Variants in CPXM2 observed in about 807,000 individuals in gnomAD.
CPXM2 encodes inactive carboxypeptidase-like protein X2.
A neutral mutation model predicts 86.1 loss-of-function variants in CPXM2; 66 were observed. The observed-to-expected ratio is 0.77, with a 90% CI of 0.63 to 0.94. The LOEUF (loss-of-function observed/expected upper bound fraction) is 0.94. Among genes scored for constraint, CPXM2 ranks in the 40% least tolerant of loss-of-function variants. The pLI is 0.00. For missense variants in CPXM2, 948 were observed against 1,026.3 expected (o/e 0.92, Z 1.04); for synonymous variants, 388 against 400.2 (o/e 0.97, Z 0.36).
At chr10:123,935,722 C>A (rs1488586919) in intron 2 of CPXM2, among the ~76,000 whole-genome samples, 1 of 152,128 alleles carries the variant, frequency 6.6e-6, no homozygotes, top group Admixed American at 6.6e-5. Context: ...AGTAAAGATC[C>A]AGCCAGAAAT....
intron 1 of CPXM2, among the ~76,000 whole-genome samples, chr10:123,888,604 T>C (rs1225143566): frequency 1.3e-5 from 2 of 152,266 alleles, no homozygotes; most frequent in Admixed American, 1.3e-4. Context: ...TCTCCTAGTG[T>C]AGTTTAACTG....
At chr10:123,767,173 G>A (rs1896392) in intron 9 of CPXM2, 21 bp from the exon 10 acceptor site, 1,236,158 of 1,610,542 alleles carry the variant, frequency 0.77, 478,128 homozygotes, top group Non-Finnish European at 0.79. Context: ...GTGAGAGTGT[G>A]AAGAATGCAC....
At chr10:123,894,674 T>C (rs538588980), upstream of CPXM2, among the ~76,000 whole-genome samples, 19 of 152,326 alleles carry the variant, frequency 1.2e-4, no homozygotes, top group African/African-American at 4.6e-4. Flanking sequence ...GGGAGGGTCC[T>C]GCGTTCTTCA....
chr10:123,768,268 C>A (rs1175979064), intron 9 of CPXM2, among the ~76,000 whole-genome samples: 3 of 152,104 alleles, frequency 2.0e-5, no homozygotes, highest in Admixed American at 2.0e-4. Flanking sequence ...ATCCCAGCTA[C>A]TTAGGAGGCT....
chr10:123,799,179 T>G lies in CPXM2; in HGVS notation c.674A>C (p.Tyr225Ser). The G allele has an allele frequency of 6.2e-7, 1 of 1,614,170 alleles. No individual in the cohort carries two copies. The change falls in exon 5 of 14, where the codon TAT (tyrosine) becomes TCT (serine). Residue 225 changes from tyrosine to serine, a missense_variant. By Grantham distance (144) the Tyr-to-Ser change is moderately radical. Transcript: ENST00000241305. ...SLWLSDWVTS[Y>S]KVMVSNDSHT... ...GCTGTCATTGCTCACCATGACCTTATAGGATGTCACCCAGTCACTCCTATG... is the reference window on the plus strand; with the variant it reads ...GCTGTCATTGCTCACCATGACCTTAGAGGATGTCACCCAGTCACTCCTATG...
intron 1 of CPXM2, among the ~76,000 whole-genome samples, chr10:123,880,529 A>G (rs1356720170): frequency 6.6e-6 from 1 of 152,148 alleles, no homozygotes; most frequent in Admixed American, 6.5e-5. Context: ...AAAACAATGT[A>G]CACCTGCACG....
rs1432848663 is a variant in CPXM2, at chr10:123,797,985, G to C, written c.880C>G (p.Pro294Ala). 4 of 1,600,976 alleles carry C rather than the reference G, an allele frequency of 2.5e-6. No homozygotes were observed. Among genetic ancestry groups the C allele is most frequent in the Non-Finnish European group, 3.4e-6 (4 of 1,173,736 alleles). ...AGGAGGGTGAACTCACCTGGCAGTG[G>C]GCAGCCCAGGATCTCCATTCTCATG... ...ICMRMEILGC[P>A]LPDPNNYYHR... Residue 294 changes from proline (P) to alanine (A), a missense_variant, in exon 6 of 14, where the codon CCA (proline) becomes GCA (alanine). Coordinates refer to ENST00000241305, the MANE Select transcript of CPXM2 (RefSeq NM_198148.3).
chr10:123,781,323 T>C (rs1164876311), intron 6 of CPXM2, among the ~76,000 whole-genome samples: 3 of 152,272 alleles, frequency 2.0e-5, no homozygotes, highest in African/African-American at 7.2e-5. Context: ...TATAAGCCTG[T>C]ATGGTTTATA....
chr10:123,758,314 AGTGGGGGCCTCCTCTAG>A lies in CPXM2; in HGVS notation c.1778-979_1778-963del, dbSNP rs72015092. The stretch of plus-strand genomic sequence containing the variant: ...CTGTGGTCCCTCCAAAACCTCTAGA[AGTGGGGGCCTCCTCTAG>A]GGGAGGAGCCTTCCTTGACTCTTGC... On this transcript the variant is annotated intron_variant, in intron 11 of 13. Coordinates refer to ENST00000241305, the MANE Select transcript of CPXM2 (RefSeq NM_198148.3). 1.4e-3 allele frequency among the ~76,000 whole-genome samples: 213 copies of A among 152,252 alleles called. 4 individuals carry two copies. The East Asian group carries it at 0.038, about 27-fold the overall frequency.
chr10:123,863,935 G>C (rs1848919432), intron 2 of CPXM2, among the ~76,000 whole-genome samples: 1 of 152,176 alleles, frequency 6.6e-6, no homozygotes, highest in South Asian at 2.1e-4. Flanking sequence ...GTATCCACCA[G>C]AGGGCCTTGT....
At chr10:123,886,975 C>T (rs1250244687) in intron 1 of CPXM2, 1 of 152,214 alleles carries the variant, frequency 6.6e-6, no homozygotes, top group Non-Finnish European at 1.5e-5. Context: ...TTACCTTATT[C>T]ATAACCCTGG....
At chr10:123,762,190 C>T (rs374862514) in intron 10 of CPXM2, 21 bp from the exon 11 acceptor site, 123 of 1,613,878 alleles carry the variant, frequency 7.6e-5, no homozygotes, top group Non-Finnish European at 9.3e-5. Flanking sequence ...CCCAAATGGA[C>T]GAGTAAAATA....
intron 2 of CPXM2, among the ~76,000 whole-genome samples, chr10:123,923,935 T>C (rs920179791): frequency 1.4e-4 from 21 of 152,252 alleles, no homozygotes; most frequent in Non-Finnish European, 7.3e-5. Context: ...TAAACCTCTT[T>C]CTTTTGTAAA....
chr10:123,874,207 C>A (rs185620908), intron 2 of CPXM2, among the ~76,000 whole-genome samples: 29 of 152,160 alleles, frequency 1.9e-4, no homozygotes, highest in African/African-American at 6.3e-4. Flanking sequence ...GATCAAGGCA[C>A]CAACAGATTC....
intron 1 of CPXM2, among the ~76,000 whole-genome samples, chr10:123,888,527 G>A (rs1001273177): frequency 2.0e-5 from 3 of 152,112 alleles, no homozygotes; most frequent in African/African-American, 4.8e-5. Flanking sequence ...GCAGAGATAA[G>A]TGCTTCTATT....
At chr10:123,759,390 C>G (rs1177999245) in intron 11 of CPXM2, among the ~76,000 whole-genome samples, 2 of 152,142 alleles carry the variant, frequency 1.3e-5, no homozygotes, top group Non-Finnish European at 2.9e-5. Context: ...GTGAGCCTGC[C>G]ATTTTGCAAT....
chr10:123,770,723 A>G (rs559306876), intron 8 of CPXM2, among the ~76,000 whole-genome samples, 193 bp downstream of exon 8: 1 of 152,324 alleles, frequency 6.6e-6, no homozygotes, highest in South Asian at 2.1e-4. Context: ...AGTGTAAATA[A>G]TTCTATAGTC....
intron 3 of CPXM2, among the ~76,000 whole-genome samples, chr10:123,848,292 G>A (rs1848537632): frequency 1.3e-5 from 2 of 152,134 alleles, no homozygotes; most frequent in African/African-American, 4.8e-5. Context: ...CTTTCCAGGT[G>A]CAATCTGCTG....
rs7893701 is a variant in CPXM2 at position 123,880,626 on chromosome 10, A to C, written c.305-317T>G. On this transcript the variant is annotated intron_variant, in intron 1 of 13. Coordinates refer to ENST00000241305, the MANE Select transcript of CPXM2 (RefSeq NM_198148.3). ...GGGTGGATCACAAGGTCAGGAGATCAAGACCATCCTGGCTAACACGGTGAA... is the reference window on the plus strand; with the variant it reads ...GGGTGGATCACAAGGTCAGGAGATCCAGACCATCCTGGCTAACACGGTGAA... Among the ~76,000 whole-genome samples, 1,264 of 151,824 alleles carry C rather than the reference A, an allele frequency of 8.3e-3. 26 individuals carry two copies. Among genetic ancestry groups the C allele is most frequent in the East Asian group, 0.051 (260 of 5,146 alleles).
Sources: gnomAD v4.1 joint callset for allele counts (sites outside exome capture counted in the v4.1 genomes callset) on GRCh38, gnomAD v4.1.1 for gene constraint, MANE v1.5 for transcripts, NCBI Gene and HGNC (gene_info 2026-07-23, HGNC 2026-07-21) for gene names.